The following GNAL variants were observed in gnomAD, a reference collection of about 807,000 sequenced individuals.
GNAL encodes the protein G protein subunit alpha L.
In GNAL, 18 loss-of-function variants were observed where a neutral mutation model predicts 55.1. That is an observed-to-expected ratio of 0.33 (90% CI 0.23 to 0.48). The LOEUF is 0.48. GNAL is among the 20% of genes least tolerant of loss of function. The probability of loss-of-function intolerance (pLI) is 0.99; values close to 1 mark genes in which losing one functional copy is unlikely to be tolerated. For missense variants in GNAL, 412 were observed against 614.1 expected (o/e 0.67, Z 3.48); for synonymous variants, 253 against 237.0 (o/e 1.07, Z -0.62).
At position 11,753,944 on chromosome 18, in the gene GNAL, A is replaced by G. The variant is rs2032948295; in HGVS notation, c.623A>G (p.Gln208Arg). Residue 208 changes from glutamine to arginine, a missense_variant and splice_region_variant, in exon 4 of 12, where the codon CAG becomes CGG. Gln to Arg is a conservative substitution (Grantham distance 43, BLOSUM62 1). Coordinates refer to ENST00000334049, the MANE Select transcript of GNAL (RefSeq NM_182978.4). ...CCTATCACTGACTTTGAATATTCCC[A>G]GGTAAGAAATGCTTACTGAAATATT... ...IAPITDFEYS[Q>R]EFFDHVKKLW... 1.2e-6 allele frequency: 2 copies of G among 1,603,826 alleles called. No individual in the cohort carries two copies. Among genetic ancestry groups the G allele is most frequent in the Non-Finnish European group, 1.7e-6 (2 of 1,172,060 alleles).
At chr18:11,797,775 A>AG (rs1012983877) in intron 4 of GNAL, among the ~76,000 whole-genome samples, 2 of 152,112 alleles carry the variant, frequency 1.3e-5, no homozygotes, top group African/African-American at 4.8e-5. Flanking sequence ...CAGAAAAAAA[A>AG]AAAGAAAGAA....
chr18:11,870,950 G>T (rs1444082226), intron 9 of GNAL, among the ~76,000 whole-genome samples: 1 of 152,144 alleles, frequency 6.6e-6, no homozygotes, highest in African/African-American at 2.4e-5. Flanking sequence ...GAGTTATTAT[G>T]AATTTATTTA....
At chr18:11,713,619 C>T (rs2031887248) in intron 1 of GNAL, among the ~76,000 whole-genome samples, 1 of 152,076 alleles carries the variant, frequency 6.6e-6, no homozygotes, top group South Asian at 2.1e-4. Context: ...ATAGCCTGGC[C>T]ATTGCCTGTT....
chr18:11,838,613 G>A (rs1243737843), intron 5 of GNAL, among the ~76,000 whole-genome samples: 4 of 152,130 alleles, frequency 2.6e-5, no homozygotes, highest in Non-Finnish European at 4.4e-5. Context: ...CTGATCATTC[G>A]AGTCTGCCTA....
At chr18:11,841,334 C>T (rs2035608201) in intron 5 of GNAL, among the ~76,000 whole-genome samples, 1 of 152,014 alleles carries the variant, frequency 6.6e-6, no homozygotes, top group African/African-American at 2.4e-5. Context: ...TATTTGAAGA[C>T]AGCTTTGTGG....
chr18:11,862,426 G>C lies in GNAL; in HGVS notation c.754G>C (p.Val252Leu). 6.2e-7 allele frequency: 1 copy of C among 1,613,596 alleles called. No individual in the cohort carries two copies. The highest frequency in any genetic ancestry group is 8.5e-7 in the Non-Finnish European group (1 of 1,179,540). Residue 252 changes from valine to leucine, a missense_variant, in exon 6 of 12, where the codon GTT becomes CTT. Physicochemically the swap from Val to Leu is conservative, Grantham distance 32. Transcript: ENST00000334049. ...FLERIDSVSL[V>L]DYTPTDQDLL... ...GGAAAGAATCGACAGCGTCAGCTTG[G>C]TTGACTACACACCCACAGACCAGGT...
intron 4 of GNAL, among the ~76,000 whole-genome samples, chr18:11,816,746 G>A (rs1391963954): frequency 2.6e-5 from 4 of 151,660 alleles, no homozygotes; most frequent in Admixed American, 6.6e-5. Context: ...CCTGGGAGGC[G>A]GAGGTTGCAG....
At position 11,753,936 on chromosome 18, in the gene GNAL, A is replaced by G. The variant is rs762031221; in HGVS notation, c.615A>G (p.Glu205=). The G allele has an allele frequency of 5.0e-6, 8 of 1,608,468 alleles. No homozygotes were observed. The highest frequency in any genetic ancestry group is 6.8e-6 in the Non-Finnish European group (8 of 1,175,858). The change falls in exon 4 of 12, where the codon GAA becomes GAG. Residue 205 remains glutamate, a synonymous_variant. Transcript: ENST00000334049. ...IKSIAPITDF[E]YSQEFFDHVK... ...GCATAGCCCCTATCACTGACTTTGA[A>G]TATTCCCAGGTAAGAAATGCTTACT...
chr18:11,746,203 A>G, intron 1 of GNAL: 3 of 538,016 alleles, frequency 5.6e-6, no homozygotes, highest in Non-Finnish European at 1.1e-5. Context: ...AAATATCATC[A>G]CTGTAGGTAC....
At chr18:11,725,036 G>A (rs1001721311) in intron 1 of GNAL, among the ~76,000 whole-genome samples, 2 of 152,150 alleles carry the variant, frequency 1.3e-5, no homozygotes, top group African/African-American at 4.8e-5. Context: ...CAGCAGCCTG[G>A]ACCTGTTGCA....
chr18:11,711,137 A>G (rs2031829678), intron 1 of GNAL, among the ~76,000 whole-genome samples: 1 of 152,132 alleles, frequency 6.6e-6, no homozygotes, highest in Admixed American at 6.5e-5. Context: ...AGCCTCCCAA[A>G]GTGCTGGGAT....
rs564201043 is a variant in GNAL, at chr18:11,849,443, A to C, written c.723-12952A>C. Among the ~76,000 whole-genome samples the C allele has an allele frequency of 3.4e-4, 52 of 151,182 alleles. No individual in the cohort carries two copies. In the East Asian group the frequency reaches 9.4e-3, roughly 27 times the overall value. On this transcript the variant is annotated intron_variant, in intron 5 of 11. Transcript: ENST00000334049. Reference sequence around the variant, plus strand: ...CGTGAACCCAGAAGGGGGAGGCTGCAGTGAGCCAAGATCACACTACTGCAC... The same window carrying C: ...CGTGAACCCAGAAGGGGGAGGCTGCCGTGAGCCAAGATCACACTACTGCAC...
In GNAL at chr18:11,822,081, T is replaced by G. The variant is rs2035108971; in HGVS notation, c.625-2837T>G. ...TTGTGCGTGCAGAGCGGCGGATGCG[T>G]GTGGCACCGCAGGCGCGGGGCGAGG... On this transcript the variant is annotated intron_variant, in intron 4 of 11. Coordinates refer to ENST00000334049, the MANE Select transcript of GNAL (RefSeq NM_182978.4). Among the ~76,000 whole-genome samples, 2 of 152,204 alleles carry G rather than the reference T, an allele frequency of 1.3e-5. 1 individual carries two copies. The highest frequency in any genetic ancestry group is 3.9e-4 in the East Asian group (2 of 5,184).
chr18:11,778,939 A>C (rs376490840), intron 4 of GNAL, among the ~76,000 whole-genome samples: 3 of 152,158 alleles, frequency 2.0e-5, no homozygotes, highest in East Asian at 3.9e-4. Flanking sequence ...AGGAAAACAA[A>C]CAACTGTTCT....
chr18:11,851,507 C>T (rs764172318), intron 5 of GNAL: 16 of 1,555,824 alleles, frequency 1.0e-5, no homozygotes, highest in Non-Finnish European at 1.4e-5. Flanking sequence ...AGGAGCCGTC[C>T]GACTATGTCT....
chr18:11,769,481 A>G (rs1283353665), intron 4 of GNAL, among the ~76,000 whole-genome samples: 1 of 151,972 alleles, frequency 6.6e-6, no homozygotes. Context: ...TCTGGGGGAC[A>G]GTAAGCTTTG....
rs1038110587 is a variant in GNAL at position 11,751,537 on chromosome 18, C to T, written c.377-1316C>T. 1.0e-6 allele frequency: 1 copy of T among 985,496 alleles called. No individual in the cohort carries two copies. The highest frequency in any genetic ancestry group is 1.2e-6 in the Non-Finnish European group (1 of 829,962). The allele number at this position is 985,496 out of a possible 1,614,324, so 61.0% of individuals were successfully genotyped here. A position where few individuals can be genotyped will look rare whatever the true frequency, so the allele number is the denominator to read the frequency against. On this transcript the variant is annotated intron_variant, in intron 1 of 11. Coordinates refer to ENST00000334049, the MANE Select transcript of GNAL (RefSeq NM_182978.4). This position sits in a 1 kb window ranked among gnomAD's most constrained non-coding sequence, Gnocchi z 4.5. ...AGCCTCGGAGGGATCCTCCTCCCTG[C>T]TAGAATATGCATGATCCTCCGCGAG... is the stretch of plus-strand genomic sequence containing the variant.
intron 1 of GNAL, among the ~76,000 whole-genome samples, chr18:11,705,668 A>G (rs1395799746): frequency 6.6e-6 from 1 of 150,464 alleles, no homozygotes; most frequent in Non-Finnish European, 1.5e-5. Flanking sequence ...GTGAGGTGAT[A>G]TGTCATTATG....
intron 1 of GNAL, among the ~76,000 whole-genome samples, chr18:11,725,671 T>A (rs1380317329): frequency 6.6e-6 from 1 of 152,246 alleles, no homozygotes; most frequent in Non-Finnish European, 1.5e-5. Context: ...TGTTTATTCA[T>A]TCACCTGTTG....
Sources: gnomAD v4.1 joint callset for allele counts (sites outside exome capture counted in the v4.1 genomes callset) on GRCh38, gnomAD v4.1.1 for gene constraint, Gnocchi (gnomAD v3.1) non-coding constraint, MANE v1.5 for transcripts, NCBI Gene and HGNC (gene_info 2026-07-23, HGNC 2026-07-21) for gene names.